HIPK2: variants seen among roughly 807,000 people sequenced by gnomAD.
The protein encoded by HIPK2 is homeodomain interacting protein kinase 2.
Under a neutral mutation model 113.7 loss-of-function variants are expected in HIPK2, and 27 were observed. The ratio of observed to expected loss-of-function variants is 0.24; its 90% confidence interval spans 0.17 to 0.33. The LOEUF is 0.33. HIPK2 is among the 10% of genes least tolerant of loss of function. The probability of loss-of-function intolerance (pLI) is 1.00; values close to 1 mark genes in which losing one functional copy is unlikely to be tolerated. For synonymous variants in HIPK2, 631 were observed against 642.2 expected (o/e 0.98, Z 0.26); for missense variants, 1,257 against 1,588.0 (o/e 0.79, Z 3.54).
intron 2 of HIPK2, among the ~76,000 whole-genome samples, chr7:139,635,711 C>A (rs1050815589): frequency 1.3e-5 from 2 of 152,270 alleles, no homozygotes; most frequent in South Asian, 2.1e-4. Context: ...GCCTCTGATG[C>A]TGCGAAAGCC....
At chr7:139,750,765 C>T (rs1796265378) in intron 1 of HIPK2, among the ~76,000 whole-genome samples, 1 of 152,162 alleles carries the variant, frequency 6.6e-6, no homozygotes, top group Non-Finnish European at 1.5e-5. Flanking sequence ...TGCCAAACAC[C>T]CTGTTCATGA....
At chr7:139,670,747 CTTTCTTTCTTTCTTT>C (rs1396865549) in intron 2 of HIPK2, among the ~76,000 whole-genome samples, 49 of 74,758 alleles carry the variant, frequency 6.6e-4, no homozygotes, top group African/African-American at 1.3e-3. Flanking sequence ...TTCTTTCTTT[CTTTCTTTCTTTCTTT>C]TTTTTTTTTT....
At chr7:139,761,090 A>T (rs1484045061) in intron 1 of HIPK2, among the ~76,000 whole-genome samples, 1 of 152,212 alleles carries the variant, frequency 6.6e-6, no homozygotes, top group East Asian at 1.9e-4. Context: ...TGGTTATTAA[A>T]CTCCTTACTG....
At chr7:139,573,713 C>T (rs1334048360) in intron 14 of HIPK2, among the ~76,000 whole-genome samples, 2 of 151,944 alleles carry the variant, frequency 1.3e-5, no homozygotes, top group Non-Finnish European at 2.9e-5. Flanking sequence ...CATGGTGGCA[C>T]GTGCCTTGTC....
chr7:139,680,981 T>C (rs774137477), intron 2 of HIPK2, among the ~76,000 whole-genome samples: 3 of 152,246 alleles, frequency 2.0e-5, no homozygotes, highest in Non-Finnish European at 4.4e-5. Flanking sequence ...GAGAACATCG[T>C]CACGCTATAT....
At chr7:139,776,583 C>T (rs1355394199) in intron 1 of HIPK2, among the ~76,000 whole-genome samples, 1 of 149,922 alleles carries the variant, frequency 6.7e-6, no homozygotes, top group African/African-American at 2.5e-5. Flanking sequence ...CGATTTCATC[C>T]ACAGAATATC....
chr7:139,695,561 G>T (rs944788883), intron 2 of HIPK2, among the ~76,000 whole-genome samples: 80 of 152,254 alleles, frequency 5.3e-4, no homozygotes, highest in Non-Finnish European at 1.0e-3. Context: ...TATTCAAGAG[G>T]CCAGGGGAAA....
intron 13 of HIPK2, among the ~76,000 whole-genome samples, chr7:139,583,199 G>A (rs1798725818): frequency 6.6e-6 from 1 of 152,250 alleles, no homozygotes; most frequent in Non-Finnish European, 1.5e-5. Context: ...AAAATCTACA[G>A]TGAGCCACTG....
intron 1 of HIPK2, among the ~76,000 whole-genome samples, chr7:139,731,626 C>A (rs533921462): frequency 6.6e-6 from 1 of 152,334 alleles, no homozygotes; most frequent in South Asian, 2.1e-4. Flanking sequence ...TTGAGCATTT[C>A]TCTCACAGGC....
At position 139,562,834 on chromosome 7, in the gene HIPK2, C is replaced by G. The variant is rs1475311840; in HGVS notation, c.*10093G>C. On this transcript the variant is annotated 3_prime_UTR_variant, in exon 15 of 15. Transcript: ENST00000406875. ...ATCTGTAAAGCTATACTTCTCCTAT[C>G]CAATTTGGTTTGATATATATACACA... is the stretch of plus-strand genomic sequence containing the variant. 1 of 152,252 alleles carries G rather than the reference C, an allele frequency of 6.6e-6. No homozygotes were observed. Among genetic ancestry groups the G allele is most frequent in the Non-Finnish European group, 1.5e-5 (1 of 68,060 alleles). 9.4% of individuals were successfully genotyped at this position (152,252 alleles called of 1,614,324 possible).
chr7:139,645,589 C>T (rs558491864), intron 2 of HIPK2, among the ~76,000 whole-genome samples: 1 of 152,336 alleles, frequency 6.6e-6, no homozygotes, highest in East Asian at 1.9e-4. Context: ...AGCCACTACT[C>T]CTGGCCGATG....
At chr7:139,579,452 G>A (rs1372559909) in intron 13 of HIPK2, among the ~76,000 whole-genome samples, 1 of 152,172 alleles carries the variant, frequency 6.6e-6, no homozygotes, top group Non-Finnish European at 1.5e-5. Context: ...ATATTAATGA[G>A]CCATGCATGG....
At chr7:139,689,899 G>A (rs1794345700) in intron 2 of HIPK2, among the ~76,000 whole-genome samples, 1 of 152,098 alleles carries the variant, frequency 6.6e-6, no homozygotes, top group Admixed American at 6.5e-5. Flanking sequence ...CAGGGACAAA[G>A]GCCTCAGGCA....
At chr7:139,721,487 G>C (rs1446207617) in intron 1 of HIPK2, among the ~76,000 whole-genome samples, 3 of 152,296 alleles carry the variant, frequency 2.0e-5, no homozygotes, top group Admixed American at 6.5e-5. Context: ...ACAATAAAGT[G>C]GGGGTGCAGA....
intron 2 of HIPK2, among the ~76,000 whole-genome samples, chr7:139,660,679 C>G (rs1486469117): frequency 6.6e-6 from 1 of 152,208 alleles, no homozygotes. Flanking sequence ...TTGAATTCAT[C>G]TGATATTCAC....
chr7:139,777,414 G>C (rs1019873993), intron 1 of HIPK2, among the ~76,000 whole-genome samples, 191 bp downstream of exon 1: 3 of 151,798 alleles, frequency 2.0e-5, no homozygotes, highest in Non-Finnish European at 2.9e-5. Context: ...CCCCGCCCTG[G>C]AAGCAAGACC....
chr7:139,639,373 G>A (rs568702201), intron 2 of HIPK2, among the ~76,000 whole-genome samples: 1 of 152,308 alleles, frequency 6.6e-6, no homozygotes, highest in African/African-American at 2.4e-5. Context: ...TTTGTTTCAA[G>A]CTGTCCTCAC....
At chr7:139,710,325 C>A (rs1156527410) in intron 2 of HIPK2, among the ~76,000 whole-genome samples, 1 of 152,178 alleles carries the variant, frequency 6.6e-6, no homozygotes, top group Non-Finnish European at 1.5e-5. Context: ...CTTATTTATT[C>A]CAGTCTCCAT....
intron 2 of HIPK2, among the ~76,000 whole-genome samples, chr7:139,636,742 T>C (rs937661436): frequency 6.6e-6 from 1 of 152,152 alleles, no homozygotes; most frequent in African/African-American, 2.4e-5. Context: ...GCCAGATATT[T>C]TGTGGTACCT....
Sources: allele counts gnomAD v4.1 joint callset (sites outside exome capture counted in the v4.1 genomes callset), GRCh38; gene constraint gnomAD v4.1.1; transcripts MANE v1.5; gene names NCBI Gene and HGNC (gene_info 2026-07-23, HGNC 2026-07-21).